HELLS: variants seen among roughly 807,000 people sequenced by gnomAD.
HELLS encodes helicase, lymphoid specific.
A neutral mutation model predicts 120.0 loss-of-function variants in HELLS; 32 were observed. The ratio of observed to expected loss-of-function variants is 0.27; its 90% confidence interval spans 0.20 to 0.36. The LOEUF is 0.36. HELLS is among the 10% of genes least tolerant of loss of function. HELLS has a pLI of 1.00. For missense variants in HELLS, 650 were observed against 993.4 expected (o/e 0.65, Z 4.65); for synonymous variants, 341 against 323.4 (o/e 1.05, Z -0.58).
chr10:94,553,889 A>ATGTGTTCATT (rs1484268912), intron 2 of HELLS, among the ~76,000 whole-genome samples: 1 of 152,164 alleles, frequency 6.6e-6, no homozygotes, highest in Non-Finnish European at 1.5e-5. Flanking sequence ...CAGTAGTGCC[A>ATGTGTTCATT]GAAACCATGT....
Position 94,597,049 on chromosome 10 carries a change from C to T in HELLS, c.2360C>T (p.Ser787Leu). Reference protein sequence around the residue: ...SRDYEREIKGSREKVISDKDL... With the variant: ...SRDYEREIKGLREKVISDKDL... ...GTTTTCTATAGGGAAATAAAAGGAT[C>T]AAGAGAGAAGGTCATTAGTGATAAA... Residue 787 changes from serine (S) to leucine (L), a missense_variant, in exon 21 of 22, where the codon TCA becomes TTA. Physicochemically the swap from Ser to Leu is moderately radical, Grantham distance 145 (BLOSUM62 -2). This residue lies in a region of HELLS where 90 missense variants were observed against 109.2 expected (regional missense o/e 0.82). Transcript: ENST00000348459. 1 of 1,588,858 alleles carries T rather than the reference C, an allele frequency of 6.3e-7. No homozygotes were observed. Among genetic ancestry groups the T allele is most frequent in the Non-Finnish European group, 8.6e-7 (1 of 1,157,864 alleles).
chr10:94,580,154 TATATATATACACAC>T (rs1238464629), intron 10 of HELLS, among the ~76,000 whole-genome samples: 15 of 48,128 alleles, frequency 3.1e-4, no homozygotes, highest in African/African-American at 1.8e-3. Flanking sequence ...TATATATATA[TATATATATACACAC>T]ACACACACAC....
chr10:94,590,299 G>A lies in HELLS; in HGVS notation c.1489-114G>A, dbSNP rs1346907630. ...ATTAAACTAATTTCCCACAACATTT[G>A]TATTTGTCTATAGATTGTCATTTTG... On this transcript the variant is annotated intron_variant, in intron 13 of 21. Coordinates refer to ENST00000348459, the MANE Select transcript of HELLS (RefSeq NM_018063.5). 5.5e-5 allele frequency: 48 copies of A among 876,942 alleles called. No homozygotes were observed. In the East Asian group the frequency reaches 1.3e-3, roughly 23 times the overall value. 54.3% of individuals were successfully genotyped at this position (876,942 alleles called of 1,614,324 possible). A position where few individuals can be genotyped will look rare whatever the true frequency, so the allele number is the denominator to read the frequency against.
At chr10:94,592,727 A>C (rs1397108909) in intron 17 of HELLS, among the ~76,000 whole-genome samples, 1 of 145,628 alleles carries the variant, frequency 6.9e-6, no homozygotes, top group Non-Finnish European at 1.5e-5. Context: ...CAATCTTATT[A>C]ATAATATCCT....
Position 94,576,731 on chromosome 10 carries a change from A to G in HELLS, c.958A>G (p.Lys320Glu), listed in dbSNP as rs201040701. 3.7e-6 allele frequency: 6 copies of G among 1,612,118 alleles called. No individual in the cohort carries two copies. In the East Asian group the frequency reaches 1.3e-4, roughly 36 times the overall value. The change falls in exon 10 of 22, where the codon AAA becomes GAA. Residue 320 changes from lysine (K) to glutamate (E), a missense_variant. Lys to Glu is a moderately conservative substitution (Grantham distance 56, BLOSUM62 1). Coordinates refer to ENST00000348459, the MANE Select transcript of HELLS (RefSeq NM_018063.5). ...QKLVRNIYKR[K>E]GTLQIHPVVI... is the part of the protein sequence containing the mutation. The stretch of plus-strand genomic sequence containing the variant: ...ATTGGTAAGAAATATTTACAAACGG[A>G]AAGGGACTTTGCAGATTCATCCTGT...
intron 9 of HELLS, among the ~76,000 whole-genome samples, chr10:94,609,465 G>A (rs778481180): frequency 2.0e-5 from 3 of 152,204 alleles, no homozygotes; most frequent in Non-Finnish European, 4.4e-5. Flanking sequence ...TATGATAGGT[G>A]TGTTAAGTAA....
chr10:94,575,567 C>T (rs887829083), intron 9 of HELLS, among the ~76,000 whole-genome samples: 1 of 151,798 alleles, frequency 6.6e-6, no homozygotes, highest in Non-Finnish European at 1.5e-5. Context: ...GGACTACAGG[C>T]GCACACCACA....
At position 94,593,588 on chromosome 10, in the gene HELLS, T is replaced by G; in HGVS notation, c.2061T>G (p.Asp687Glu). 1 of 1,604,334 alleles carries G rather than the reference T, an allele frequency of 6.2e-7. No homozygotes were observed. The highest frequency in any genetic ancestry group is 8.5e-7 in the Non-Finnish European group (1 of 1,171,092). Residue 687 changes from aspartate (D) to glutamate (E), a missense_variant, in exon 18 of 22, where the codon GAT (aspartate) becomes GAG (glutamate). Coordinates refer to ENST00000348459, the MANE Select transcript of HELLS (RefSeq NM_018063.5). ...GGLGINLTAA[D>E]TVIIYDSDWN... ...TGGGCATTAATCTGACTGCAGCAGATACAGTTATCATTTATGATAGTGATT... is the reference window on the plus strand; with the variant it reads ...TGGGCATTAATCTGACTGCAGCAGAGACAGTTATCATTTATGATAGTGATT...
intron 4 of HELLS, among the ~76,000 whole-genome samples, chr10:94,562,388 A>G (rs1346443607): frequency 6.6e-6 from 1 of 152,064 alleles, no homozygotes; most frequent in East Asian, 1.9e-4. Flanking sequence ...GGGCGACAAG[A>G]GTGAAACTCC....
intron 3 of HELLS, among the ~76,000 whole-genome samples, chr10:94,555,918 C>T (rs910149769): frequency 3.9e-5 from 6 of 152,184 alleles, no homozygotes; most frequent in Non-Finnish European, 7.3e-5. Flanking sequence ...TGAGCCACTG[C>T]GCCTGGACTG....
intron 12 of HELLS, among the ~76,000 whole-genome samples, chr10:94,585,234 C>A (rs369130687): frequency 6.6e-6 from 1 of 151,336 alleles, no homozygotes; most frequent in Non-Finnish European, 1.5e-5. Flanking sequence ...TAAAATTATG[C>A]GTACACGGTA....
intron 21 of HELLS, among the ~76,000 whole-genome samples, chr10:94,598,198 C>G (rs1589766797): frequency 1.3e-5 from 2 of 152,210 alleles, no homozygotes; most frequent in East Asian, 3.9e-4. Flanking sequence ...ACTGTATAAT[C>G]TTTTTTTCCC....
In HELLS at chr10:94,594,058, C is replaced by T. The variant is rs7894130; in HGVS notation, c.2088+443C>T. Among the ~76,000 whole-genome samples the T allele has an allele frequency of 8.5e-3, 1,297 of 151,708 alleles. 18 individuals carry two copies. Among genetic ancestry groups the T allele is most frequent in the African/African-American group, 0.03 (1,236 of 41,326 alleles). On this transcript the variant is annotated intron_variant, in intron 18 of 21. Transcript: ENST00000348459. Reference sequence around the variant, plus strand: ...TGCTGGGATTACCAGCATGAGCCACCGCGCCCGGCCATTCTGAATTTTTAA... The same window carrying T: ...TGCTGGGATTACCAGCATGAGCCACTGCGCCCGGCCATTCTGAATTTTTAA...
intron 6 of HELLS, among the ~76,000 whole-genome samples, chr10:94,567,460 G>A (rs911987464): frequency 1.3e-5 from 2 of 152,060 alleles, no homozygotes; most frequent in South Asian, 4.1e-4. Flanking sequence ...CACCACGCCT[G>A]GCAAATTTTG....
At chr10:94,591,045 G>A (rs1024481466) in intron 15 of HELLS, among the ~76,000 whole-genome samples, 10 of 151,978 alleles carry the variant, frequency 6.6e-5, no homozygotes, top group Non-Finnish European at 1.5e-4. Flanking sequence ...TGTTTCTCAG[G>A]CTGGTCTCAA....
chr10:94,567,840 T>C (rs895422602), intron 6 of HELLS, among the ~76,000 whole-genome samples: 4 of 149,680 alleles, frequency 2.7e-5, no homozygotes, highest in African/African-American at 9.9e-5. Context: ...CCTGGGGAGG[T>C]GAAGGCTGCA....
chr10:94,587,740 T>C (rs1331136307), intron 12 of HELLS, among the ~76,000 whole-genome samples: 2 of 152,224 alleles, frequency 1.3e-5, no homozygotes, highest in South Asian at 4.1e-4. Flanking sequence ...AGTTATACTC[T>C]TCTTTATATT....
chr10:94,548,959 A>G (rs1486951581), intron 2 of HELLS, among the ~76,000 whole-genome samples: 2 of 152,066 alleles, frequency 1.3e-5, no homozygotes, highest in South Asian at 4.1e-4. Context: ...GCATCACTGC[A>G]CTCCAGCCTG....
downstream of HELLS, among the ~76,000 whole-genome samples, chr10:94,605,081 C>CCCT (rs1846114479): frequency 7.6e-6 from 1 of 131,952 alleles, no homozygotes; most frequent in East Asian, 2.5e-4. Flanking sequence ...CTCCCCCCCC[C>CCCT]CCCCTTTTTT....
Sources: allele counts gnomAD v4.1 joint callset (sites outside exome capture counted in the v4.1 genomes callset), GRCh38; gene constraint gnomAD v4.1.1; regional missense constraint gnomAD v4.1.1; transcripts MANE v1.5; gene names NCBI Gene and HGNC (gene_info 2026-07-23, HGNC 2026-07-21).